CCDC171: variants seen among roughly 807,000 people sequenced by gnomAD.
The protein encoded by CCDC171 is coiled-coil domain containing 171.
A neutral mutation model predicts 168.2 loss-of-function variants in CCDC171; 177 were observed. That is an observed-to-expected ratio of 1.05 (90% CI 0.93 to 1.19). The LOEUF (loss-of-function observed/expected upper bound fraction) is 1.19, where lower values mean the gene tolerates loss of function less well. Ranked by LOEUF, CCDC171 falls within the 50% of genes most tolerant of loss-of-function variation. The pLI, the probability that CCDC171 is intolerant of heterozygous loss-of-function variation, is 0.00. For missense variants in CCDC171, 1,991 were observed against 1,539.0 expected (o/e 1.29, Z -4.91); for synonymous variants, 687 against 540.8 (o/e 1.27, Z -3.75).
At chr9:15,725,927 A>C (rs2053772978) in intron 14 of CCDC171, among the ~76,000 whole-genome samples, 1 of 152,180 alleles carries the variant, frequency 6.6e-6, no homozygotes, top group African/African-American at 2.4e-5. Flanking sequence ...ATGACTTATA[A>C]AAATATTATG....
intron 18 of CCDC171, among the ~76,000 whole-genome samples, chr9:15,759,542 C>G (rs1369582916): frequency 6.6e-6 from 1 of 152,104 alleles, no homozygotes; most frequent in Non-Finnish European, 1.5e-5. Flanking sequence ...TGCATTTAGT[C>G]ATGTTTTTTT....
intron 21 of CCDC171, among the ~76,000 whole-genome samples, chr9:15,824,835 C>G (rs1211858068): frequency 6.6e-6 from 1 of 151,972 alleles, no homozygotes; most frequent in East Asian, 1.9e-4. Flanking sequence ...AAGTAGTTGC[C>G]TGGATTCCAA....
At chr9:16,071,149 G>C in the CCDC171 span, among the ~76,000 whole-genome samples, 108 of 152,312 alleles carry the variant, frequency 7.1e-4, no homozygotes, top group African/African-American at 2.5e-3. Flanking sequence ...GGCAGAGAGA[G>C]GAGATGGAGT....
chr9:16,012,628 C>T (rs983481873), intron 3 of CCDC171, among the ~76,000 whole-genome samples: 1 of 150,552 alleles, frequency 6.6e-6, no homozygotes, highest in Non-Finnish European at 1.5e-5. Context: ...ATAATGGCAG[C>T]ATGCTCTCCT....
intron 24 of CCDC171, among the ~76,000 whole-genome samples, chr9:15,893,838 A>T (rs1480314672): frequency 1.3e-5 from 2 of 152,048 alleles, no homozygotes; most frequent in Non-Finnish European, 2.9e-5. Flanking sequence ...GTAGGAGTGT[A>T]AGTTCAACCA....
intron 3 of CCDC171, among the ~76,000 whole-genome samples, chr9:15,988,467 A>G (rs1037785299): frequency 1.3e-5 from 2 of 152,176 alleles, no homozygotes; most frequent in Admixed American, 1.3e-4. Context: ...GCCGAATAGG[A>G]ACAGCTCCAG....
intron 4 of CCDC171, among the ~76,000 whole-genome samples, chr9:15,586,077 T>C (rs948948346): frequency 3.3e-5 from 5 of 152,220 alleles, no homozygotes; most frequent in African/African-American, 7.2e-5. Context: ...TATTACATTC[T>C]AATTAATGAT....
At chr9:16,035,028 T>A (rs77379536) in intron 6 of CCDC171, among the ~76,000 whole-genome samples, 1 of 152,214 alleles carries the variant, frequency 6.6e-6, no homozygotes, top group Admixed American at 6.5e-5. Flanking sequence ...CCCCAAGACC[T>A]TTGACGTCTC....
intron 1 of CCDC171, among the ~76,000 whole-genome samples, chr9:16,044,359 C>T (rs139688651): frequency 3.9e-3 from 594 of 152,210 alleles, no homozygotes; most frequent in African/African-American, 0.014. Flanking sequence ...TTACTTCTTC[C>T]AAATTGTATA....
At position 15,943,487 on chromosome 9, in the gene CCDC171, A is replaced by G. The variant is rs1271799100; in HGVS notation, c.3753+23065A>G. On this transcript the variant is annotated intron_variant, in intron 25 of 25. Transcript: ENST00000380701. ...AAACATATAATAGCAATGAATTAAT[A>G]CTTGTATATTTAGAACCAGATGCAG... Among the ~76,000 whole-genome samples, 3 of 152,096 alleles carry G rather than the reference A, an allele frequency of 2.0e-5. No individual in the cohort carries two copies. In the East Asian group the frequency reaches 5.8e-4, roughly 30 times the overall value.
downstream of CCDC171, among the ~76,000 whole-genome samples, chr9:16,064,444 A>G (rs915618739): frequency 6.6e-6 from 1 of 152,102 alleles, no homozygotes; most frequent in Non-Finnish European, 1.5e-5. Context: ...GGAAGACGCG[A>G]GAGGAGAAAA....
At chr9:16,045,345 G>T (rs902109800) in intron 1 of CCDC171, among the ~76,000 whole-genome samples, 3 of 152,180 alleles carry the variant, frequency 2.0e-5, no homozygotes, top group Non-Finnish European at 4.4e-5. Flanking sequence ...AGCCCAGGAG[G>T]CTTGTCAACC....
At chr9:15,931,701 A>C (rs1389619585) in intron 25 of CCDC171, among the ~76,000 whole-genome samples, 1 of 151,302 alleles carries the variant, frequency 6.6e-6, no homozygotes, top group East Asian at 2.0e-4. Context: ...TCCCCAACCC[A>C]ATATCATGAA....
intron 6 of CCDC171, among the ~76,000 whole-genome samples, chr9:15,611,923 G>A (rs2131859816): frequency 6.6e-6 from 1 of 152,274 alleles, no homozygotes; most frequent in African/African-American, 2.4e-5. Flanking sequence ...AGGAGGTGGG[G>A]TCTTCAGGAG....
the CCDC171 span, among the ~76,000 whole-genome samples, chr9:16,077,753 C>T: frequency 2.0e-5 from 3 of 152,180 alleles, no homozygotes; most frequent in South Asian, 4.1e-4. Context: ...TGTGTGGTTG[C>T]GTTTGCAATG....
chr9:16,079,315 A>G, the CCDC171 span, among the ~76,000 whole-genome samples: 1 of 152,218 alleles, frequency 6.6e-6, no homozygotes, highest in Non-Finnish European at 1.5e-5. Flanking sequence ...CTACCAGTAC[A>G]TAGAATGTGA....
At chr9:16,087,507 CT>C in the CCDC171 span, among the ~76,000 whole-genome samples, 1 of 139,452 alleles carries the variant, frequency 7.2e-6, no homozygotes, top group African/African-American at 2.7e-5. Flanking sequence ...CTTTTTTGAT[CT>C]TTGTTGGTTT....
chr9:15,893,811 A>G (rs535675104), intron 24 of CCDC171, among the ~76,000 whole-genome samples: 41 of 152,190 alleles, frequency 2.7e-4, no homozygotes, highest in African/African-American at 5.1e-4. Flanking sequence ...AGAAAAAGGA[A>G]CACTTTTACA....
chr9:15,599,193 A>G (rs201119075), intron 6 of CCDC171, among the ~76,000 whole-genome samples: 112 of 152,198 alleles, frequency 7.4e-4, no homozygotes, highest in African/African-American at 2.4e-3. Context: ...CTGTCATTAT[A>G]ATATTAGCTG....
Sources: gnomAD v4.1 joint callset for allele counts (sites outside exome capture counted in the v4.1 genomes callset) on GRCh38, gnomAD v4.1.1 for gene constraint, MANE v1.5 for transcripts, NCBI Gene and HGNC (gene_info 2026-07-23, HGNC 2026-07-21) for gene names.